The following GRID2 variants were observed in gnomAD, a reference collection of about 807,000 sequenced individuals.
GRID2 encodes the protein glutamate receptor ionotropic, delta-2.
GRID2 carries 33 observed loss-of-function variants against 114.8 expected under a neutral mutation model. The ratio of observed to expected loss-of-function variants is 0.29; its 90% confidence interval spans 0.22 to 0.38. The LOEUF (loss-of-function observed/expected upper bound fraction) is 0.38, where lower values mean the gene tolerates loss of function less well. Ranked by LOEUF, GRID2 falls within the 10% of genes least tolerant of loss-of-function variation. GRID2 has a pLI of 1.00. For missense variants in GRID2, 1,184 were observed against 1,257.7 expected, an observed-to-expected ratio of 0.94 and a Z score of 0.89; for synonymous variants, 505 against 449.9, an observed-to-expected ratio of 1.12 and a Z score of -1.55.
intron 1 of GRID2, among the ~76,000 whole-genome samples, chr4:92,468,453 G>A (rs1053219793): frequency 6.6e-6 from 1 of 151,818 alleles, no homozygotes; most frequent in African/African-American, 2.4e-5. Flanking sequence ...TACCTACTTG[G>A]TGGCATCCTT....
intron 2 of GRID2, among the ~76,000 whole-genome samples, chr4:92,820,642 G>C (rs183951683): frequency 2.6e-5 from 4 of 152,040 alleles, no homozygotes; most frequent in Non-Finnish European, 4.4e-5. Flanking sequence ...TGGAAATAGC[G>C]GGTGGCATAA....
chr4:92,920,743 G>A (rs1749247980), intron 2 of GRID2, among the ~76,000 whole-genome samples: 1 of 152,142 alleles, frequency 6.6e-6, no homozygotes, highest in African/African-American at 2.4e-5. Flanking sequence ...ACTTCCCTTT[G>A]TGGGTAACTC....
chr4:93,084,183 T>C (rs1309151075), intron 2 of GRID2, among the ~76,000 whole-genome samples: 4 of 152,164 alleles, frequency 2.6e-5, no homozygotes, highest in South Asian at 4.1e-4. Context: ...CTCTTCACTC[T>C]TTTTTCTGTG....
At chr4:92,624,350 T>C (rs1730418276) in intron 2 of GRID2, among the ~76,000 whole-genome samples, 1 of 151,808 alleles carries the variant, frequency 6.6e-6, no homozygotes. Flanking sequence ...ATAGCTTTAT[T>C]ATCTACTTTT....
intron 4 of GRID2, among the ~76,000 whole-genome samples, chr4:93,118,812 G>A (rs1038069423): frequency 6.6e-6 from 1 of 152,274 alleles, no homozygotes; most frequent in South Asian, 2.1e-4. Flanking sequence ...TTCAGCAAGT[G>A]CCTTAAACAG....
intron 1 of GRID2, among the ~76,000 whole-genome samples, chr4:92,427,301 CG>C (rs1458002984): frequency 6.6e-6 from 1 of 151,900 alleles, no homozygotes; most frequent in Non-Finnish European, 1.5e-5. Flanking sequence ...TTCCCTAAAA[CG>C]TATGACAAAT....
chr4:92,587,596 T>C (rs571570674), intron 1 of GRID2, among the ~76,000 whole-genome samples: 2 of 152,290 alleles, frequency 1.3e-5, no homozygotes, highest in East Asian at 1.9e-4. Flanking sequence ...GGATTTGAAA[T>C]GTTGGATAAG....
chr4:92,311,938 T>C (rs1380390806), intron 1 of GRID2, among the ~76,000 whole-genome samples: 1 of 152,054 alleles, frequency 6.6e-6, no homozygotes, highest in East Asian at 1.9e-4. Context: ...ATATATGATG[T>C]AATGTCAAAT....
At chr4:92,739,526 CA>C (rs1736768771) in intron 2 of GRID2, among the ~76,000 whole-genome samples, 1 of 151,650 alleles carries the variant, frequency 6.6e-6, no homozygotes, top group South Asian at 2.1e-4. Context: ...GGAAAGTGGA[CA>C]AAATAAATAA....
intron 8 of GRID2, among the ~76,000 whole-genome samples, chr4:93,262,447 C>G (rs1403798501): frequency 6.6e-6 from 1 of 151,892 alleles, no homozygotes; most frequent in Non-Finnish European, 1.5e-5. Context: ...ATGGAGTCTT[C>G]AGTTTCTAGG....
chr4:92,587,098 CTGTGTGTGTGTGTGTGTGTGTGTGTG>C, intron 1 of GRID2, among the ~76,000 whole-genome samples: 1 of 133,846 alleles, frequency 7.5e-6, no homozygotes, highest in East Asian at 2.4e-4. Flanking sequence ...TGATGAAATG[CTGTGTGTGTGTGTGTGTGTGTGTGTG>C]TGTGTGTGTG....
intron 8 of GRID2, among the ~76,000 whole-genome samples, chr4:93,289,897 A>T (rs534073630): frequency 2.6e-5 from 4 of 152,338 alleles, no homozygotes; most frequent in Non-Finnish European, 4.4e-5. Context: ...AGGGAAAAAA[A>T]TTGGAGTAAA....
intron 1 of GRID2, among the ~76,000 whole-genome samples, chr4:92,441,977 G>A (rs1299399671): frequency 3.3e-5 from 5 of 151,736 alleles, no homozygotes; most frequent in Non-Finnish European, 7.4e-5. Context: ...CTAAAAAGGA[G>A]TGCTTAAAAG....
In GRID2 at chr4:92,536,695, T is replaced by C. The variant is rs116542582; in HGVS notation, c.89-53436T>C. Among the ~76,000 whole-genome samples, 653 of 152,272 alleles carry C rather than the reference T, an allele frequency of 4.3e-3. 4 individuals are homozygous for C. The highest frequency in any genetic ancestry group is 0.015 in the African/African-American group (632 of 41,574). On this transcript the variant is annotated intron_variant, in intron 1 of 15. Transcript: ENST00000282020. ...TTTAGTTCTTTCCTTTAAAAAATAA[T>C]TTTCTTCCCAGATTTTTTCTCTTAT...
intron 14 of GRID2, among the ~76,000 whole-genome samples, chr4:93,710,241 G>GA (rs1304841692): frequency 2.0e-5 from 3 of 152,150 alleles, no homozygotes; most frequent in African/African-American, 4.8e-5. Flanking sequence ...CAAAGGAATT[G>GA]AATGTTGTGA....
intron 8 of GRID2, among the ~76,000 whole-genome samples, chr4:93,382,719 C>CT (rs1434254184): frequency 1.3e-4 from 19 of 151,894 alleles, no homozygotes; most frequent in Admixed American, 7.9e-4. Flanking sequence ...CCCATCATGT[C>CT]TTTTTCAGTG....
intron 2 of GRID2, among the ~76,000 whole-genome samples, chr4:92,997,803 T>C (rs753337535): frequency 6.6e-6 from 1 of 152,162 alleles, no homozygotes; most frequent in Non-Finnish European, 1.5e-5. Context: ...AGTTGTGTGA[T>C]ACCAGCACAG....
rs1748055042 is a variant in GRID2, at chr4:93,245,142, G to A, written c.1245+6652G>A. On this transcript the variant is annotated intron_variant, in intron 8 of 15. Transcript: ENST00000282020. ...TATAATTTGTCTTTCCCATTACAAT[G>A]TTACTTCATGAGACAAGAACTATGT... 2.0e-5 allele frequency among the ~76,000 whole-genome samples: 3 copies of A among 151,876 alleles called. No homozygotes were observed. In the South Asian group the frequency reaches 6.2e-4, roughly 32 times the overall value.
At chr4:92,817,836 C>A (rs937236068) in intron 2 of GRID2, among the ~76,000 whole-genome samples, 4 of 151,876 alleles carry the variant, frequency 2.6e-5, no homozygotes, top group African/African-American at 9.7e-5. Context: ...CCAGCCTTGC[C>A]AATTTTTTTA....
Sources: gnomAD v4.1 joint callset for allele counts (sites outside exome capture counted in the v4.1 genomes callset) on GRCh38, gnomAD v4.1.1 for gene constraint, MANE v1.5 for transcripts, NCBI Gene and HGNC (gene_info 2026-07-23, HGNC 2026-07-21) for gene names.